The following RYR2 variants were observed in gnomAD, a reference collection of about 807,000 sequenced individuals.
The protein encoded by RYR2 is cardiac muscle ryanodine receptor-calcium release channel.
Under a neutral mutation model 601.1 loss-of-function variants are expected in RYR2, and 227 were observed. The observed-to-expected ratio is 0.38, with a 90% confidence interval of 0.34 to 0.42. RYR2 has a LOEUF of 0.42. Ranked by LOEUF, RYR2 falls within the 10% of genes least tolerant of loss-of-function variation. The pLI is 1.00. For synonymous variants in RYR2, 2,223 were observed against 2,175.1 expected (o/e 1.02, Z -0.61); for missense variants, 4,646 against 6,156.5 (o/e 0.75, Z 8.21).
chr1:237,270,705 G>A lies in RYR2; in HGVS notation c.168+89G>A. On this transcript the variant is annotated intron_variant, in intron 2 of 104. Coordinates refer to ENST00000366574, the MANE Select transcript of RYR2 (RefSeq NM_001035.3). ...TATGAGCTCTCTACTATTTTCTGTG[G>A]AATACATACTATATAAATGAAAGGG... The A allele has an allele frequency of 2.2e-6, 3 of 1,369,586 alleles. No homozygotes were observed. In the South Asian group the frequency reaches 3.8e-5, roughly 18 times the overall value. 84.8% of individuals were successfully genotyped at this position (1,369,586 alleles called of 1,614,324 possible).
chr1:237,764,402 A>ATTTTT (rs59485547), intron 84 of RYR2, among the ~76,000 whole-genome samples: 1 of 69,962 alleles, frequency 1.4e-5, no homozygotes, highest in Non-Finnish European at 2.6e-5. Flanking sequence ...CTTAGGTAGC[A>ATTTTT]TTTTTTTTTT....
chr1:237,488,716 T>C (rs1490776536), intron 17 of RYR2, among the ~76,000 whole-genome samples: 1 of 152,052 alleles, frequency 6.6e-6, no homozygotes, highest in Non-Finnish European at 1.5e-5. Flanking sequence ...TACTTTGTAA[T>C]ATTCTCCCCC....
At chr1:237,556,761 A>C (rs1670929189) in intron 27 of RYR2, among the ~76,000 whole-genome samples, 1 of 151,944 alleles carries the variant, frequency 6.6e-6, no homozygotes, top group African/African-American at 2.4e-5. Context: ...TGAAAGTGTT[A>C]AGCTGAAGAG....
chr1:237,170,989 A>G (rs1473966901), intron 1 of RYR2, among the ~76,000 whole-genome samples: 2 of 152,058 alleles, frequency 1.3e-5, no homozygotes, highest in African/African-American at 4.8e-5. Context: ...CAGCTGGGTG[A>G]CTTCTCTTGA....
intron 10 of RYR2, among the ~76,000 whole-genome samples, chr1:237,388,708 A>G (rs566516935): frequency 6.6e-6 from 1 of 152,336 alleles, no homozygotes; most frequent in Admixed American, 6.5e-5. Flanking sequence ...TTACAATAGT[A>G]TGAATCTACT....
At chr1:237,677,645 G>T (rs959523464) in intron 60 of RYR2, among the ~76,000 whole-genome samples, 29 of 152,136 alleles carry the variant, frequency 1.9e-4, no homozygotes, top group African/African-American at 7.0e-4. Flanking sequence ...AGAGGCCAGG[G>T]TTAATATCTA....
At chr1:237,143,623 C>A (rs1673632856) in intron 1 of RYR2, among the ~76,000 whole-genome samples, 1 of 152,108 alleles carries the variant, frequency 6.6e-6, no homozygotes. Context: ...GCTTGGTTTT[C>A]ACCCCATGCC....
At chr1:237,100,615 AC>A (rs999302677) in intron 1 of RYR2, among the ~76,000 whole-genome samples, 5 of 151,648 alleles carry the variant, frequency 3.3e-5, no homozygotes, top group African/African-American at 1.2e-4. Flanking sequence ...CTAATTCCTG[AC>A]CCCAAGTCAT....
intron 1 of RYR2, among the ~76,000 whole-genome samples, chr1:237,118,572 A>AATAGG (rs1436449394): frequency 6.6e-6 from 1 of 151,886 alleles, no homozygotes; most frequent in Non-Finnish European, 1.5e-5. Flanking sequence ...TGGGAGGGAA[A>AATAGG]ATAGGGAGTT....
At chr1:237,333,133 C>T (rs1696913352) in intron 3 of RYR2, among the ~76,000 whole-genome samples, 1 of 152,174 alleles carries the variant, frequency 6.6e-6, no homozygotes, top group Admixed American at 6.5e-5. Context: ...GTGTTGAACA[C>T]TATTTTATAA....
intron 25 of RYR2, among the ~76,000 whole-genome samples, chr1:237,545,803 TA>T (rs1164682932): frequency 6.6e-6 from 1 of 150,942 alleles, no homozygotes; most frequent in Non-Finnish European, 1.5e-5. Context: ...CTCATGCCTG[TA>T]ATCCCAGCAA....
At chr1:237,450,523 G>T (rs1297085776) in intron 14 of RYR2, among the ~76,000 whole-genome samples, 1 of 145,482 alleles carries the variant, frequency 6.9e-6, no homozygotes, top group Non-Finnish European at 1.5e-5. Context: ...TCCCTGCCCC[G>T]CCACTCCCCA....
At chr1:237,198,345 G>C (rs997686518) in intron 1 of RYR2, among the ~76,000 whole-genome samples, 2 of 152,060 alleles carry the variant, frequency 1.3e-5, no homozygotes, top group African/African-American at 4.8e-5. Context: ...TCATTTTCAT[G>C]AATTGTGGTG....
At chr1:237,600,524 C>A (rs1410842152) in intron 34 of RYR2, among the ~76,000 whole-genome samples, 1 of 152,176 alleles carries the variant, frequency 6.6e-6, no homozygotes, top group East Asian at 1.9e-4. Flanking sequence ...GGAAACACTT[C>A]ATGACATTGG....
intron 1 of RYR2, among the ~76,000 whole-genome samples, chr1:237,186,121 C>T (rs1222476248): frequency 6.6e-6 from 1 of 152,174 alleles, no homozygotes; most frequent in African/African-American, 2.4e-5. Flanking sequence ...AGGTAAATGC[C>T]ACATCCTGAT....
chr1:237,387,542 A>G (rs1029609875), intron 9 of RYR2, among the ~76,000 whole-genome samples, 162 bp downstream of exon 9: 2 of 152,206 alleles, frequency 1.3e-5, no homozygotes, highest in African/African-American at 2.4e-5. Context: ...TTAAACTGCT[A>G]TTTTAACAGT....
chr1:237,246,160 A>G (rs1043710307), intron 1 of RYR2, among the ~76,000 whole-genome samples: 7 of 151,796 alleles, frequency 4.6e-5, no homozygotes, highest in Non-Finnish European at 8.8e-5. Flanking sequence ...CGGTGGCACA[A>G]TCTTGGCTCA....
chr1:237,691,828 G>A (rs1159473499), intron 63 of RYR2, among the ~76,000 whole-genome samples: 4 of 152,258 alleles, frequency 2.6e-5, no homozygotes, highest in South Asian at 2.1e-4. Flanking sequence ...TGCACATAAC[G>A]AATTTTGGAA....
At chr1:237,616,305 T>G (rs954885469) in intron 37 of RYR2, among the ~76,000 whole-genome samples, 9 of 152,200 alleles carry the variant, frequency 5.9e-5, no homozygotes, top group African/African-American at 2.2e-4. Context: ...GGCAGAGCAT[T>G]CTCTCTTAGA....
Sources: allele counts gnomAD v4.1 joint callset (sites outside exome capture counted in the v4.1 genomes callset), GRCh38; gene constraint gnomAD v4.1.1; transcripts MANE v1.5; gene names NCBI Gene and HGNC (gene_info 2026-07-23, HGNC 2026-07-21).